The following AVL9 variants were observed in gnomAD, a reference collection of about 807,000 sequenced individuals.
The protein encoded by AVL9 is AVL9 cell migration associated.
A neutral mutation model predicts 79.2 loss-of-function variants in AVL9; 49 were observed. That is an observed-to-expected ratio of 0.62 (90% CI 0.49 to 0.79). AVL9 has a LOEUF of 0.79. Among genes scored for constraint, AVL9 ranks in the 30% least tolerant of loss-of-function variants. AVL9 has a pLI of 0.00. For missense variants in AVL9, 682 were observed against 776.8 expected, an observed-to-expected ratio of 0.88 and a Z score of 1.45; for synonymous variants, 299 against 280.6, an observed-to-expected ratio of 1.07 and a Z score of -0.65.
Position 32,580,709 on chromosome 7 carries a change from A to T in AVL9, c.1743-93A>T, listed in dbSNP as rs539427098. 4 of 691,256 alleles carry T rather than the reference A, an allele frequency of 5.8e-6. No individual in the cohort carries two copies. The East Asian group carries it at 1.2e-4, about 20-fold the overall frequency. 42.8% of individuals were successfully genotyped at this position (691,256 alleles called of 1,614,324 possible). On this transcript the variant is annotated intron_variant, in intron 14 of 15. Coordinates refer to ENST00000318709, the MANE Select transcript of AVL9 (RefSeq NM_015060.3). ...TCTAATTTTGGATGGTTACAGAGTGACTATTGTGTGTGTGTCTATATGTGT... is the reference window on the plus strand; with the variant it reads ...TCTAATTTTGGATGGTTACAGAGTGTCTATTGTGTGTGTGTCTATATGTGT...
intron 4 of AVL9, among the ~76,000 whole-genome samples, 177 bp from the exon 5 acceptor site, chr7:32,551,157 A>G (rs977145662): frequency 2.0e-5 from 3 of 152,198 alleles, no homozygotes; most frequent in Non-Finnish European, 4.4e-5. Context: ...CTTGTAGCCA[A>G]AGAACAGATG....
intron 7 of AVL9, 119 bp from the exon 8 acceptor site, chr7:32,554,439 G>T: frequency 2.3e-5 from 11 of 472,000 alleles, no homozygotes; most frequent in Admixed American, 4.2e-5. Context: ...AATTTTTCAT[G>T]TACTTTTTAA....
rs1393025280 is a variant in AVL9, at chr7:32,583,292, T to TA, written c.1832-494dup. Among the ~76,000 whole-genome samples the TA allele has an allele frequency of 5.3e-5, 8 of 152,356 alleles. No homozygotes were observed. The East Asian group carries it at 9.6e-4, about 18-fold the overall frequency. On this transcript the variant is annotated intron_variant, in intron 15 of 15. Transcript: ENST00000318709. ...TGCTGAGGCAAGTAGGTGCCTACGC[T>TA]AAAAAATCATCTATTTTTCCTTAAG...
At chr7:32,575,520 T>C (rs1392111504) in intron 12 of AVL9, among the ~76,000 whole-genome samples, 1 of 132,586 alleles carries the variant, frequency 7.5e-6, no homozygotes, top group Middle Eastern at 3.6e-3. Flanking sequence ...TTAATCTTTT[T>C]TTTTGTAGAA....
rs115360409 is a variant in AVL9, at chr7:32,499,637, G to A, written c.93+3835G>A. Among the ~76,000 whole-genome samples, 1,291 of 152,092 alleles carry A rather than the reference G, an allele frequency of 8.5e-3. 18 individuals carry two copies. The highest frequency in any genetic ancestry group is 0.03 in the African/African-American group (1,226 of 41,458). ...ATACATGTGCGAAACATTCGGGTTT[G>A]TTATATAGGTATACATGTGCCATGG... On this transcript the variant is annotated intron_variant, in intron 1 of 15. Transcript: ENST00000318709.
intron 10 of AVL9, among the ~76,000 whole-genome samples, chr7:32,566,219 C>T (rs1309500088): frequency 4.1e-5 from 4 of 98,106 alleles, no homozygotes; most frequent in Non-Finnish European, 7.6e-5. Context: ...CACTCTTGCC[C>T]AGCCTGGAAT....
intron 1 of AVL9, among the ~76,000 whole-genome samples, chr7:32,500,969 C>A (rs890365072): frequency 6.6e-5 from 10 of 152,140 alleles, no homozygotes; most frequent in African/African-American, 2.4e-4. Flanking sequence ...GTCTATATGT[C>A]TAAAAAGCAG....
intron 10 of AVL9, among the ~76,000 whole-genome samples, chr7:32,566,245 C>T (rs1331844429): frequency 1.6e-5 from 2 of 124,056 alleles, no homozygotes; most frequent in Admixed American, 1.0e-4. Flanking sequence ...GGTGCAATCT[C>T]GGCTCTCTGC....
chr7:32,556,519 A>AAATGAATGAATG (rs1554343042), intron 8 of AVL9, among the ~76,000 whole-genome samples: 1,726 of 149,566 alleles, frequency 0.012, 36 homozygotes, highest in African/African-American at 0.039. Context: ...ATCTCAAAGT[A>AAATGAATGAATG]AATGAATGAA....
chr7:32,503,367 TATATATAC>T (rs1161268081), intron 1 of AVL9, among the ~76,000 whole-genome samples: 3 of 88,300 alleles, frequency 3.4e-5, no homozygotes, highest in East Asian at 3.8e-4. Flanking sequence ...GAGAGATATA[TATATATAC>T]ACACACACAC....
At chr7:32,524,244 G>A (rs1005343150) in intron 1 of AVL9, among the ~76,000 whole-genome samples, 5 of 152,040 alleles carry the variant, frequency 3.3e-5, no homozygotes, top group African/African-American at 7.2e-5. Flanking sequence ...CGCTGGGCAC[G>A]GTGGCTCACG....
intron 1 of AVL9, among the ~76,000 whole-genome samples, chr7:32,513,133 G>GT (rs112196628): frequency 0.016 from 2,501 of 152,278 alleles, 65 homozygotes; most frequent in African/African-American, 0.057. Context: ...CTGTCTCCTT[G>GT]TTGAGTAACC....
At chr7:32,568,496 C>T (rs1790684921) in intron 10 of AVL9, among the ~76,000 whole-genome samples, 1 of 152,174 alleles carries the variant, frequency 6.6e-6, no homozygotes, top group South Asian at 2.1e-4. Context: ...CCACCATGCC[C>T]AGCCCATAAT....
rs201050657 is a variant in AVL9 at position 32,570,175 on chromosome 7, G to C, written c.1350+21G>C. The C allele has an allele frequency of 1.8e-4, 283 of 1,613,704 alleles. No individual in the cohort carries two copies. The Middle Eastern group carries it at 2.1e-3, about 12-fold the overall frequency. ...TGGAAGTACGTTTATGTGTGAGTGT[G>C]TGTATTTGGCCCTGCTCATCCCAGT... is the stretch of plus-strand genomic sequence containing the variant. On this transcript the variant is annotated intron_variant, in intron 11 of 15. Transcript: ENST00000318709.
chr7:32,535,916 A>C (rs1440561907), intron 1 of AVL9: 2 of 152,052 alleles, frequency 1.3e-5, no homozygotes, highest in Non-Finnish European at 2.9e-5. Context: ...TGGTTTTATA[A>C]ATATCTGGCA....
chr7:32,566,171 A>ATTTTTTT (rs1485208811), intron 10 of AVL9, among the ~76,000 whole-genome samples: 1 of 30,128 alleles, frequency 3.3e-5, no homozygotes, highest in Non-Finnish European at 6.1e-5. Context: ...AATTTTAATT[A>ATTTTTTT]TTATTATTAT....
chr7:32,542,497 A>G (rs1263725626), intron 1 of AVL9, among the ~76,000 whole-genome samples: 2 of 152,104 alleles, frequency 1.3e-5, no homozygotes, highest in African/African-American at 2.4e-5. Flanking sequence ...CAGAGGTTGC[A>G]GTGAGCTGAG....
intron 1 of AVL9, among the ~76,000 whole-genome samples, chr7:32,527,675 G>A (rs1347910828): frequency 1.3e-5 from 2 of 152,214 alleles, no homozygotes; most frequent in African/African-American, 4.8e-5. Context: ...CCGAGGGACA[G>A]GATGGGCCCA....
chr7:32,546,541 G>T (rs886250812), intron 3 of AVL9, among the ~76,000 whole-genome samples: 1 of 152,158 alleles, frequency 6.6e-6, no homozygotes, highest in Non-Finnish European at 1.5e-5. Flanking sequence ...GAGAAAAGAG[G>T]CTGGACCCCG....
Sources: allele counts gnomAD v4.1 joint callset (sites outside exome capture counted in the v4.1 genomes callset), GRCh38; gene constraint gnomAD v4.1.1; transcripts MANE v1.5; gene names NCBI Gene and HGNC (gene_info 2026-07-23, HGNC 2026-07-21).